The following PRSS57 variants were observed in gnomAD, a reference collection of about 807,000 sequenced individuals.
The protein encoded by PRSS57 is serine protease 57.
Under a neutral mutation model 20.6 loss-of-function variants are expected in PRSS57, and 19 were observed. The ratio of observed to expected loss-of-function variants is 0.92; its 90% CI spans 0.64 to 1.35. The LOEUF (loss-of-function observed/expected upper bound fraction) is 1.35, where lower values mean the gene tolerates loss of function less well. PRSS57 is among the 40% of genes most tolerant of loss of function. PRSS57 has a pLI of 0.00. For missense variants in PRSS57, 440 were observed against 403.7 expected, an observed-to-expected ratio of 1.09 and a Z score of -0.77; for synonymous variants, 203 against 176.6, an observed-to-expected ratio of 1.15 and a Z score of -1.19.
At chr19:689,795 C>T (rs866597354) in intron 3 of PRSS57, among the ~76,000 whole-genome samples, 9 of 152,050 alleles carry the variant, frequency 5.9e-5, no homozygotes, top group African/African-American at 2.2e-4. Context: ...GGTACACGCC[C>T]GTGATCCCGA....
In PRSS57 at chr19:693,229, C is replaced by CTTTTTTTTTTTTTTTTTT. The variant is rs1171032187; in HGVS notation, c.234-1228_234-1227insAAAAAAAAAAAAAAAAAA. Among the ~76,000 whole-genome samples the CTTTTTTTTTTTTTTTTTT allele has an allele frequency of 1.8e-5, 2 of 109,128 alleles. 1 individual carries two copies. The highest frequency in any genetic ancestry group is 7.1e-5 in the African/African-American group (2 of 28,294). The allele number at this position is 109,128 out of a possible 152,430, so 71.6% of individuals were successfully genotyped here. A position where few individuals can be genotyped will look rare whatever the true frequency, so the allele number is the denominator to read the frequency against. On this transcript the variant is annotated intron_variant, in intron 2 of 4. Transcript: ENST00000329267. ...TACAGGCGTGAGCCACCGCACCCGG[C>CTTTTTTTTTTTTTTTTTT]CTTTTTTTTTTTTTTTTTTTTGAGA...
rs781305989 is a variant in PRSS57 at position 687,093 on chromosome 19, C to T, written c.474G>A (p.Val158=). The T allele has an allele frequency of 6.8e-6, 11 of 1,613,630 alleles. No individual in the cohort carries two copies. Among genetic ancestry groups the T allele is most frequent in the Middle Eastern group, 3.3e-4 (2 of 6,082 alleles). ...AGTCAGACACGAAGCCCCAGCCAGC[C>T]ACCCGGCACCGTGTCCCCGCTGTGG... ...RPPTAGTRCR[V]AGWGFVSDFE... The change falls in exon 4 of 5, where the codon GTG becomes GTA. Residue 158 remains valine, a synonymous_variant. Coordinates refer to ENST00000329267, the MANE Select transcript of PRSS57 (RefSeq NM_001308209.2).
chr19:692,029 C>A (rs377204666), intron 2 of PRSS57, 27 bp from the exon 3 acceptor site: 3 of 1,300,926 alleles, frequency 2.3e-6, no homozygotes, highest in Non-Finnish European at 2.9e-6. Flanking sequence ...GTGGGTGAGA[C>A]GGGGGTGAGG....
chr19:694,806 G>A lies in PRSS57; in HGVS notation c.233+8C>T. ...TCCAGAAAGAAGGGGCCCGACAGGT[G>A]AGCTCACCTGTGGCTGAAGCAGTGG... On this transcript the variant is annotated splice_region_variant and intron_variant, in intron 2 of 4. Coordinates refer to ENST00000329267, the MANE Select transcript of PRSS57 (RefSeq NM_001308209.2). The A allele has an allele frequency of 6.2e-7, 1 of 1,604,228 alleles. No individual in the cohort carries two copies. The highest frequency in any genetic ancestry group is 2.3e-5 in the East Asian group (1 of 43,984).
intron 3 of PRSS57, among the ~76,000 whole-genome samples, chr19:687,524 A>G (rs2031515510): frequency 6.6e-6 from 1 of 152,104 alleles, no homozygotes; most frequent in African/African-American, 2.4e-5. Flanking sequence ...CTCCTGCCTC[A>G]GCCTCCCAAG....
At chr19:688,545 A>G (rs1344546334) in intron 3 of PRSS57, among the ~76,000 whole-genome samples, 1 of 148,512 alleles carries the variant, frequency 6.7e-6, no homozygotes, top group South Asian at 2.1e-4. Context: ...GCGGGTCTGC[A>G]TGGATGCACC....
At chr19:685,998 T>A in intron 4 of PRSS57, 76 bp from the exon 5 acceptor site, 2 of 1,273,470 alleles carry the variant, frequency 1.6e-6, no homozygotes, top group Non-Finnish European at 1.1e-6. Flanking sequence ...CCTCCCTGCC[T>A]CAGAACCCTC....
chr19:693,095 T>G (rs1156501764), intron 2 of PRSS57, among the ~76,000 whole-genome samples: 1 of 151,514 alleles, frequency 6.6e-6, no homozygotes, highest in Non-Finnish European at 1.5e-5. Context: ...ATCCGGCTAA[T>G]TTTTTGTATT....
chr19:693,585 T>C (rs1189252567), intron 2 of PRSS57, among the ~76,000 whole-genome samples: 1 of 152,140 alleles, frequency 6.6e-6, no homozygotes, highest in Non-Finnish European at 1.5e-5. Flanking sequence ...ACTTTTTTTT[T>C]TCCGACAGAA....
chr19:695,187 C>G (rs577724327), intron 1 of PRSS57, among the ~76,000 whole-genome samples, 165 bp downstream of exon 1: 2 of 152,238 alleles, frequency 1.3e-5, no homozygotes, highest in South Asian at 4.1e-4. Context: ...GGCAGAGACC[C>G]CGGCCGGATT....
rs777075783 is a variant in PRSS57 at position 691,989 on chromosome 19, C to T, written c.247G>A (p.Gly83Ser). The change falls in exon 3 of 5, where the codon GGC (glycine) becomes AGC (serine). Residue 83 changes from glycine (G) to serine (S), a missense_variant. Gly to Ser is a moderately conservative substitution (Grantham distance 56). Transcript: ENST00000329267. ...HCFSHRDLRT[G>S]LVVLGAHVLS... ...ACGTGGGCGCCCAGCACCACCAGGCCAGTGCGGAGGTCTCTGCAGGGAGGA... is the reference window on the plus strand; with the variant it reads ...ACGTGGGCGCCCAGCACCACCAGGCTAGTGCGGAGGTCTCTGCAGGGAGGA... The T allele has an allele frequency of 1.5e-6, 2 of 1,324,236 alleles. No individual in the cohort carries two copies. Among genetic ancestry groups the T allele is most frequent in the Admixed American group, 6.2e-5 (2 of 32,204 alleles). The allele number at this position is 1,324,236 out of a possible 1,614,324, so 82.0% of individuals were successfully genotyped here.
chr19:692,159 C>T (rs534900114), intron 2 of PRSS57, among the ~76,000 whole-genome samples, 157 bp from the exon 3 acceptor site: 3 of 151,958 alleles, frequency 2.0e-5, no homozygotes, highest in East Asian at 2.0e-4. Context: ...CACCTGAGGT[C>T]GGGAGTTCAA....
intron 2 of PRSS57, among the ~76,000 whole-genome samples, chr19:693,061 G>A (rs1357119679): frequency 1.3e-5 from 2 of 151,170 alleles, no homozygotes; most frequent in Admixed American, 1.3e-4. Context: ...CTGAATAGCT[G>A]GGACTACAGG....
intron 3 of PRSS57, among the ~76,000 whole-genome samples, chr19:689,291 G>A (rs879643120): frequency 3.3e-5 from 5 of 152,090 alleles, no homozygotes; most frequent in African/African-American, 2.4e-5. Context: ...AGGTGATGAC[G>A]GGGCTGGAAC....
intron 2 of PRSS57, among the ~76,000 whole-genome samples, chr19:693,229 CCTTTT>C (rs2031698380): frequency 9.2e-6 from 1 of 109,128 alleles, no homozygotes; most frequent in Non-Finnish European, 1.8e-5. Flanking sequence ...CCGCACCCGG[CCTTTT>C]TTTTTTTTTT....
intron 2 of PRSS57, among the ~76,000 whole-genome samples, chr19:693,077 G>A (rs1314399985): frequency 2.6e-5 from 4 of 151,374 alleles, no homozygotes; most frequent in African/African-American, 9.7e-5. Flanking sequence ...ACAGGCGCCC[G>A]CCACCATATC....
At chr19:694,711 C>T (rs2031738446) in intron 2 of PRSS57, 103 bp downstream of exon 2, 5 of 1,343,530 alleles carry the variant, frequency 3.7e-6, no homozygotes, top group African/African-American at 3.0e-5. Context: ...GAGACTCCCC[C>T]TCCTGCAGGA....
At chr19:691,378 G>T (rs761758403) in intron 3 of PRSS57, among the ~76,000 whole-genome samples, 13 of 151,576 alleles carry the variant, frequency 8.6e-5, no homozygotes, top group Admixed American at 2.0e-4. Flanking sequence ...GGTGGCGAGT[G>T]CCTGTAATCC....
chr19:695,093 C>G, intron 1 of PRSS57, 126 bp from the exon 2 acceptor site: 1 of 969,610 alleles, frequency 1.0e-6, no homozygotes, highest in Admixed American at 3.5e-5. Flanking sequence ...CGGAGAGACC[C>G]AGAGAGCTGG....
Sources: allele counts gnomAD v4.1 joint callset (sites outside exome capture counted in the v4.1 genomes callset), GRCh38; gene constraint gnomAD v4.1.1; transcripts MANE v1.5; gene names NCBI Gene and HGNC (gene_info 2026-07-23, HGNC 2026-07-21).